GRM8: variants seen among roughly 807,000 people sequenced by gnomAD.
GRM8 encodes the protein glutamate metabotropic receptor 8.
A neutral mutation model predicts 87.2 loss-of-function variants in GRM8; 47 were observed. The ratio of observed to expected loss-of-function variants is 0.54; its 90% CI spans 0.43 to 0.69. GRM8 has a LOEUF of 0.69. Ranked by LOEUF, GRM8 falls within the 30% of genes least tolerant of loss-of-function variation. The pLI is 0.00. For synonymous variants in GRM8, 396 were observed against 404.5 expected (o/e 0.98, Z 0.25); for missense variants, 1,019 against 1,139.2 (o/e 0.89, Z 1.52).
In GRM8 at chr7:127,237,726, G is replaced by A. The variant is rs1270470646; in HGVS notation, c.510+4969C>T. ...GACTATCTAACCCCTATCCTTCAAGGGTAGAAAATTAACAATCCAGGTAAA... is the reference window on the plus strand; with the variant it reads ...GACTATCTAACCCCTATCCTTCAAGAGTAGAAAATTAACAATCCAGGTAAA... On this transcript the variant is annotated intron_variant, in intron 2 of 10. Transcript: ENST00000339582. Among the ~76,000 whole-genome samples, 3 of 152,034 alleles carry A rather than the reference G, an allele frequency of 2.0e-5. No individual in the cohort carries two copies. In the East Asian group the frequency reaches 5.8e-4, roughly 29 times the overall value.
chr7:126,450,180 G>A (rs973005281), intron 9 of GRM8, among the ~76,000 whole-genome samples: 1 of 151,768 alleles, frequency 6.6e-6, no homozygotes, highest in South Asian at 2.1e-4. Flanking sequence ...TGAGGAGGGA[G>A]GAGATTTTAT....
At chr7:126,818,178 A>C (rs1367672259) in intron 6 of GRM8, among the ~76,000 whole-genome samples, 1 of 152,090 alleles carries the variant, frequency 6.6e-6, no homozygotes, top group Non-Finnish European at 1.5e-5. Context: ...TAATATCTTA[A>C]TAGAACATAT....
intron 7 of GRM8, among the ~76,000 whole-genome samples, chr7:126,733,210 GA>G (rs2151487363): frequency 6.6e-6 from 1 of 151,980 alleles, no homozygotes; most frequent in Non-Finnish European, 1.5e-5. Context: ...GTGATAAAGT[GA>G]AAACAATGTT....
chr7:127,054,087 G>T lies in GRM8; in HGVS notation c.727+52409C>A, dbSNP rs943975664. On this transcript the variant is annotated intron_variant, in intron 3 of 10. Coordinates refer to ENST00000339582, the MANE Select transcript of GRM8 (RefSeq NM_000845.3). ...TCAGTGATAATATTAATACCCAAAA[G>T]ATAGACATATGCTTTGTAAATTAAT... Among the ~76,000 whole-genome samples, 148 of 152,116 alleles carry T rather than the reference G, an allele frequency of 9.7e-4. 1 individual carries two copies. The highest frequency in any genetic ancestry group is 3.5e-3 in the African/African-American group (146 of 41,540).
intron 3 of GRM8, among the ~76,000 whole-genome samples, chr7:127,063,788 A>C (rs1820847727): frequency 1.3e-5 from 2 of 152,064 alleles, no homozygotes; most frequent in South Asian, 4.1e-4. Flanking sequence ...CCCTCTTAAA[A>C]CTACCTTAGC....
At position 127,186,616 on chromosome 7, in the gene GRM8, T is replaced by C. The variant is rs74935531; in HGVS notation, c.510+56079A>G. ...GCTTTTCTTGACCTTGCCCACATCT[T>C]TGAAACTGTTCCTTAGTTTATTTCT... On this transcript the variant is annotated intron_variant, in intron 2 of 10. Coordinates refer to ENST00000339582, the MANE Select transcript of GRM8 (RefSeq NM_000845.3). 3.9e-5 allele frequency among the ~76,000 whole-genome samples: 6 copies of C among 152,204 alleles called. No homozygotes were observed. In the East Asian group the frequency reaches 1.2e-3, roughly 29 times the overall value.
At chr7:127,028,666 G>A (rs186078207) in intron 3 of GRM8, among the ~76,000 whole-genome samples, 62 of 152,244 alleles carry the variant, frequency 4.1e-4, no homozygotes, top group African/African-American at 1.4e-3. Context: ...ATTTCTGTGG[G>A]ATTGGTGGTG....
At chr7:126,941,089 C>T (rs536695131) in intron 3 of GRM8, among the ~76,000 whole-genome samples, 1 of 152,190 alleles carries the variant, frequency 6.6e-6, no homozygotes, top group African/African-American at 2.4e-5. Flanking sequence ...TCTGCCCACA[C>T]TGACTCATTA....
At chr7:127,076,985 A>G (rs934176889) in intron 3 of GRM8, among the ~76,000 whole-genome samples, 2 of 152,216 alleles carry the variant, frequency 1.3e-5, no homozygotes. Flanking sequence ...ACAGAGCCCA[A>G]GGGTGAGCCA....
intron 7 of GRM8, among the ~76,000 whole-genome samples, chr7:126,676,970 C>T (rs1807025461): frequency 6.6e-6 from 1 of 151,920 alleles, no homozygotes; most frequent in African/African-American, 2.4e-5. Context: ...ATACAATGAC[C>T]AAAGGTCTAA....
intron 6 of GRM8, among the ~76,000 whole-genome samples, chr7:126,772,072 CAAA>C (rs1585870331): frequency 6.6e-6 from 1 of 152,078 alleles, no homozygotes; most frequent in East Asian, 1.9e-4. Flanking sequence ...GCTTTAACCA[CAAA>C]GTAGATCATT....
At chr7:126,620,268 GAC>G (rs754635598) in intron 7 of GRM8, among the ~76,000 whole-genome samples, 26 of 152,146 alleles carry the variant, frequency 1.7e-4, no homozygotes, top group Non-Finnish European at 2.9e-4. Flanking sequence ...AACTCCAGGT[GAC>G]AGAGCAAGAT....
intron 9 of GRM8, among the ~76,000 whole-genome samples, chr7:126,486,238 T>A (rs1807349455): frequency 6.6e-6 from 1 of 152,046 alleles, no homozygotes; most frequent in African/African-American, 2.4e-5. Context: ...GGCTGCACAT[T>A]TGAATGCCTT....
chr7:127,052,535 A>G (rs1205325261), intron 3 of GRM8, among the ~76,000 whole-genome samples: 1 of 152,248 alleles, frequency 6.6e-6, no homozygotes, highest in Non-Finnish European at 1.5e-5. Flanking sequence ...GTACATAGAC[A>G]AGCAGTGTAG....
At chr7:126,523,618 C>G (rs935220089) in intron 9 of GRM8, among the ~76,000 whole-genome samples, 1 of 152,074 alleles carries the variant, frequency 6.6e-6, no homozygotes, top group African/African-American at 2.4e-5. Context: ...CTGCCTCAGG[C>G]TTCAGAGTAG....
intron 8 of GRM8, among the ~76,000 whole-genome samples, chr7:126,549,725 A>G (rs1001907948): frequency 6.6e-6 from 1 of 152,218 alleles, no homozygotes; most frequent in African/African-American, 2.4e-5. Flanking sequence ...AATCATTCAG[A>G]AAATATAACA....
intron 3 of GRM8, among the ~76,000 whole-genome samples, chr7:127,104,674 T>C (rs1451690099): frequency 6.6e-6 from 1 of 152,116 alleles, no homozygotes; most frequent in African/African-American, 2.4e-5. Context: ...ACAGAAGAAA[T>C]GTGTTGCTCT....
chr7:126,894,671 A>G (rs1801375811), intron 6 of GRM8, among the ~76,000 whole-genome samples: 1 of 152,054 alleles, frequency 6.6e-6, no homozygotes, highest in Non-Finnish European at 1.5e-5. Context: ...TTAGGTGGCC[A>G]AGAAAAAAAA....
At chr7:127,027,846 T>C (rs1450963050) in intron 3 of GRM8, among the ~76,000 whole-genome samples, 3 of 152,208 alleles carry the variant, frequency 2.0e-5, no homozygotes, top group Non-Finnish European at 4.4e-5. Flanking sequence ...CTGATTGCCC[T>C]GGCCAGAACT....
Sources: gnomAD v4.1 joint callset for allele counts (sites outside exome capture counted in the v4.1 genomes callset) on GRCh38, gnomAD v4.1.1 for gene constraint, MANE v1.5 for transcripts, NCBI Gene and HGNC (gene_info 2026-07-23, HGNC 2026-07-21) for gene names.